ARHGEF28: variants seen among roughly 807,000 people sequenced by gnomAD.
ARHGEF28 encodes the protein Rho guanine nucleotide exchange factor 28.
ARHGEF28 carries 152 observed loss-of-function variants against 206.6 expected under a neutral mutation model. The ratio of observed to expected loss-of-function variants is 0.74; its 90% CI spans 0.64 to 0.84. ARHGEF28 has a LOEUF of 0.84. Ranked by LOEUF, ARHGEF28 falls within the 40% of genes least tolerant of loss-of-function variation. ARHGEF28 has a pLI of 0.00. For synonymous variants in ARHGEF28, 763 were observed against 776.4 expected (o/e 0.98, Z 0.29); for missense variants, 2,028 against 2,073.2 (o/e 0.98, Z 0.42).
intron 26 of ARHGEF28, among the ~76,000 whole-genome samples, chr5:73,890,111 A>C (rs2112681074): frequency 6.6e-6 from 1 of 152,294 alleles, no homozygotes; most frequent in Middle Eastern, 3.4e-3. Context: ...GTTAATTTGA[A>C]TGTTTGTTCA....
In ARHGEF28 at chr5:73,883,754, T is replaced by C. The variant is rs756003070; in HGVS notation, c.2938-13T>C. On this transcript the variant is annotated splice_polypyrimidine_tract_variant and intron_variant, in intron 23 of 35. Transcript: ENST00000513042. ...GGTAGAATTTGTGTACATAAAAGTA[T>C]ATATTTTTTAAGCTCCGAAATAGTA... 4 of 1,505,146 alleles carry C rather than the reference T, an allele frequency of 2.7e-6. No homozygotes were observed. In the East Asian group the frequency reaches 7.4e-5, roughly 28 times the overall value. The allele number at this position is 1,505,146 out of a possible 1,614,324, so 93.2% of individuals were successfully genotyped here. A position where few individuals can be genotyped will look rare whatever the true frequency, so the allele number is the denominator to read the frequency against.
At chr5:73,927,697 G>A (rs1346318796) in intron 35 of ARHGEF28, among the ~76,000 whole-genome samples, 1 of 152,050 alleles carries the variant, frequency 6.6e-6, no homozygotes. Context: ...TACTTTAAGG[G>A]CCTAATTTTT....
intron 10 of ARHGEF28, among the ~76,000 whole-genome samples, chr5:73,836,488 T>A (rs1313251637): frequency 1.3e-5 from 2 of 152,084 alleles, no homozygotes; most frequent in East Asian, 3.8e-4. Context: ...TTTTTAAATC[T>A]GGTTATTTGT....
At chr5:73,714,258 T>G (rs1237171880) in intron 2 of ARHGEF28, among the ~76,000 whole-genome samples, 1 of 152,252 alleles carries the variant, frequency 6.6e-6, no homozygotes, top group African/African-American at 2.4e-5. Context: ...GGGCAGGATA[T>G]AAAGAACAAA....
At chr5:73,875,365 A>G (rs1760396014) in intron 22 of ARHGEF28, among the ~76,000 whole-genome samples, 1 of 150,660 alleles carries the variant, frequency 6.6e-6, no homozygotes, top group South Asian at 2.1e-4. Context: ...CCCATTTTGT[A>G]GGTTGCCTGT....
Position 73,753,088 on chromosome 5 carries a change from C to G in ARHGEF28, c.361C>G (p.Pro121Ala). 3 of 1,606,594 alleles carry G rather than the reference C, an allele frequency of 1.9e-6. No individual in the cohort carries two copies. The highest frequency in any genetic ancestry group is 2.2e-5 in the South Asian group (2 of 89,480). Residue 121 changes from proline to alanine, a missense_variant, in exon 4 of 36, where the codon CCA (proline) becomes GCA (alanine). Pro to Ala is a conservative substitution (Grantham distance 27). Transcript: ENST00000513042. Reference protein sequence around the residue: ...TACSHQTLLTPFALTAGALPA... With the variant: ...TACSHQTLLTAFALTAGALPA... ...CTGCAGCCACCAGACCCTGCTGACC[C>G]CATTTGCCTTGACGGCAGGAGCACT...
chr5:73,749,762 C>T (rs1751927951), intron 2 of ARHGEF28, 75 bp from the exon 3 acceptor site: 3 of 1,534,678 alleles, frequency 2.0e-6, no homozygotes, highest in Non-Finnish European at 2.7e-6. Flanking sequence ...GTTATGGACC[C>T]AGGTCCTTTG....
chr5:73,813,453 G>C, intron 9 of ARHGEF28: 1 of 1,433,036 alleles, frequency 7.0e-7, no homozygotes, highest in Non-Finnish European at 9.1e-7. Context: ...TCCCTCCCTG[G>C]TGTGCAGGAG....
At chr5:73,816,027 G>A (rs1193014194) in intron 9 of ARHGEF28, among the ~76,000 whole-genome samples, 2 of 152,146 alleles carry the variant, frequency 1.3e-5, no homozygotes, top group African/African-American at 4.8e-5. Context: ...CAGATCCTTA[G>A]AGCCTAAAGG....
chr5:73,769,223 G>A (rs1021718588), intron 4 of ARHGEF28, among the ~76,000 whole-genome samples: 34 of 152,218 alleles, frequency 2.2e-4, no homozygotes, highest in African/African-American at 7.5e-4. Context: ...GAGAGAGAGA[G>A]GCAGAGGGAG....
intron 25 of ARHGEF28, among the ~76,000 whole-genome samples, chr5:73,887,084 A>C (rs1277366377): frequency 3.3e-5 from 5 of 152,226 alleles, no homozygotes; most frequent in African/African-American, 1.2e-4. Flanking sequence ...CTATTGCTCG[A>C]AGTCATTTGC....
chr5:73,909,243 T>C, intron 33 of ARHGEF28, 169 bp from the exon 34 acceptor site: 1 of 950,808 alleles, frequency 1.1e-6, no homozygotes, highest in East Asian at 2.7e-5. Context: ...CACACCTCTC[T>C]GGAACGCCAA....
intron 30 of ARHGEF28, chr5:73,898,315 G>C (rs1487744903): frequency 9.1e-6 from 4 of 440,162 alleles, no homozygotes; most frequent in Non-Finnish European, 1.5e-5. Flanking sequence ...AGAGTAGTTG[G>C]TGGGTTATAC....
chr5:73,638,518 T>C (rs1366037826), intron 1 of ARHGEF28, among the ~76,000 whole-genome samples: 1 of 152,196 alleles, frequency 6.6e-6, no homozygotes, highest in Non-Finnish European at 1.5e-5. Context: ...TCCTACAACT[T>C]TGAGTTACAT....
At chr5:73,914,938 C>T (rs1238938585) in intron 35 of ARHGEF28, among the ~76,000 whole-genome samples, 2 of 152,052 alleles carry the variant, frequency 1.3e-5, no homozygotes, top group South Asian at 2.1e-4. Context: ...ACGGGGTTTC[C>T]CCATATTGCC....
intron 9 of ARHGEF28, among the ~76,000 whole-genome samples, chr5:73,807,733 G>A (rs993290711): frequency 3.9e-5 from 6 of 151,952 alleles, no homozygotes; most frequent in East Asian, 1.9e-4. Flanking sequence ...CAATCCACCC[G>A]CCTCAGCCTT....
At chr5:73,748,414 C>T (rs937165566) in intron 2 of ARHGEF28, among the ~76,000 whole-genome samples, 2 of 152,148 alleles carry the variant, frequency 1.3e-5, no homozygotes, top group Non-Finnish European at 2.9e-5. Flanking sequence ...GTGTGTGATA[C>T]ATTTTAAACC....
At chr5:73,932,790 T>C (rs1764195083) in intron 35 of ARHGEF28, among the ~76,000 whole-genome samples, 1 of 148,354 alleles carries the variant, frequency 6.7e-6, no homozygotes, top group South Asian at 2.1e-4. Flanking sequence ...ACTACTTTTA[T>C]TTCCTATTTC....
intron 4 of ARHGEF28, among the ~76,000 whole-genome samples, chr5:73,762,833 T>G (rs1752683210): frequency 6.6e-6 from 1 of 152,200 alleles, no homozygotes; most frequent in Non-Finnish European, 1.5e-5. Context: ...TGGAAAAATC[T>G]AGGTTCAAAT....
Sources: gnomAD v4.1 joint callset for allele counts (sites outside exome capture counted in the v4.1 genomes callset) on GRCh38, gnomAD v4.1.1 for gene constraint, MANE v1.5 for transcripts, NCBI Gene and HGNC (gene_info 2026-07-23, HGNC 2026-07-21) for gene names.